The following AMPH variants were observed in gnomAD, a reference collection of about 807,000 sequenced individuals.
The protein encoded by AMPH is amphiphysin.
Under a neutral mutation model 99.1 loss-of-function variants are expected in AMPH, and 49 were observed. The observed-to-expected ratio is 0.49, with a 90% CI of 0.39 to 0.63. The LOEUF (loss-of-function observed/expected upper bound fraction) is 0.63. Among genes scored for constraint, AMPH ranks in the 20% least tolerant of loss-of-function variants. The pLI, the probability that AMPH is intolerant of heterozygous loss-of-function variation, is 0.00. For missense variants in AMPH, 759 were observed against 863.4 expected (o/e 0.88, Z 1.52); for synonymous variants, 314 against 317.3 (o/e 0.99, Z 0.11).
chr7:38,525,485 G>C (rs1381332520), intron 2 of AMPH, among the ~76,000 whole-genome samples: 2 of 130,864 alleles, frequency 1.5e-5, no homozygotes, highest in African/African-American at 3.0e-5. Context: ...TGTGTGTTTA[G>C]TTTTATGCGA....
At chr7:38,478,718 A>G (rs569398515) in intron 5 of AMPH, among the ~76,000 whole-genome samples, 16 of 152,314 alleles carry the variant, frequency 1.1e-4, no homozygotes, top group Admixed American at 1.0e-3. Context: ...GAAAAAGTCA[A>G]CAACAAAGAT....
At chr7:38,406,731 C>CTCTCTCT (rs1562732477) in intron 17 of AMPH, among the ~76,000 whole-genome samples, 819 of 80,594 alleles carry the variant, frequency 0.01, 113 homozygotes, top group East Asian at 0.038. Flanking sequence ...TCTCCCTTTC[C>CTCTCTCT]CTCTCTCTCT....
intron 14 of AMPH, chr7:38,429,353 G>C (rs1785911643): frequency 1.6e-6 from 2 of 1,289,674 alleles, no homozygotes; most frequent in Non-Finnish European, 1.0e-6. Flanking sequence ...ACGAAAGCAG[G>C]CTGGTGGATA....
chr7:38,394,337 C>G, intron 17 of AMPH, 123 bp from the exon 18 acceptor site: 1 of 1,013,166 alleles, frequency 9.9e-7, no homozygotes, highest in South Asian at 1.6e-5. Context: ...ATTCTTTGCA[C>G]TCCCAGGATT....
At chr7:38,413,453 A>C (rs146504875) in intron 17 of AMPH, among the ~76,000 whole-genome samples, 16 of 152,280 alleles carry the variant, frequency 1.1e-4, no homozygotes, top group African/African-American at 3.9e-4. Flanking sequence ...GGACCCCAAG[A>C]CTGCACTGTC....
chr7:38,515,614 T>C (rs895186854), intron 2 of AMPH, among the ~76,000 whole-genome samples: 15 of 152,142 alleles, frequency 9.9e-5, no homozygotes, highest in African/African-American at 3.6e-4. Flanking sequence ...AATGAAATAA[T>C]ATGAATAATT....
At chr7:38,461,218 A>T in intron 11 of AMPH, 65 bp downstream of exon 11, 2 of 1,590,288 alleles carry the variant, frequency 1.3e-6, no homozygotes, top group Non-Finnish European at 1.7e-6. Flanking sequence ...CTTTAGGGCT[A>T]GCCCCTGAGA....
chr7:38,486,728 C>T (rs1788511534), intron 5 of AMPH, among the ~76,000 whole-genome samples: 2 of 152,046 alleles, frequency 1.3e-5, no homozygotes, highest in Admixed American at 6.6e-5. Flanking sequence ...GATCACCCAT[C>T]ATGACCAAGT....
intron 1 of AMPH, among the ~76,000 whole-genome samples, chr7:38,572,692 C>G (rs1332748498): frequency 6.6e-6 from 1 of 152,164 alleles, no homozygotes; most frequent in African/African-American, 2.4e-5. Flanking sequence ...AGCAGCCACC[C>G]AATGTGAAGT....
At chr7:38,509,535 A>C (rs1789458535) in intron 2 of AMPH, among the ~76,000 whole-genome samples, 1 of 152,214 alleles carries the variant, frequency 6.6e-6, no homozygotes, top group Admixed American at 6.5e-5. Flanking sequence ...TCTTCTGGAA[A>C]AGCTAACCCA....
chr7:38,505,869 T>C (rs909781944), intron 2 of AMPH, among the ~76,000 whole-genome samples: 4 of 151,824 alleles, frequency 2.6e-5, no homozygotes, highest in Non-Finnish European at 5.9e-5. Context: ...GTGGAAAAAA[T>C]ATGGCTTTGG....
intron 1 of AMPH, among the ~76,000 whole-genome samples, chr7:38,578,793 G>A (rs919255677): frequency 5.3e-5 from 8 of 152,040 alleles, no homozygotes; most frequent in Non-Finnish European, 7.4e-5. Flanking sequence ...ACAAATTAAA[G>A]AAACCCCTAA....
chr7:38,420,329 GGAGA>G (rs1469668409), intron 16 of AMPH, among the ~76,000 whole-genome samples: 1 of 152,204 alleles, frequency 6.6e-6, no homozygotes, highest in Non-Finnish European at 1.5e-5. Context: ...AACCGCTTGT[GGAGA>G]GATTTAATAT....
chr7:38,439,512 G>T (rs1279993765), intron 11 of AMPH, among the ~76,000 whole-genome samples: 1 of 152,184 alleles, frequency 6.6e-6, no homozygotes, highest in Non-Finnish European at 1.5e-5. Flanking sequence ...GGGCAGGAAC[G>T]TACTCACAAC....
At chr7:38,515,305 G>C (rs991187876) in intron 2 of AMPH, among the ~76,000 whole-genome samples, 1 of 152,208 alleles carries the variant, frequency 6.6e-6, no homozygotes, top group African/African-American at 2.4e-5. Context: ...TGTTGGAGGA[G>C]GGACCTGTTG....
intron 1 of AMPH, among the ~76,000 whole-genome samples, chr7:38,549,582 A>G (rs1437553623): frequency 1.3e-5 from 2 of 152,314 alleles, no homozygotes; most frequent in East Asian, 3.9e-4. Flanking sequence ...CTTTGACCCT[A>G]ATACCTAGAA....
chr7:38,604,796 T>C (rs904848565), intron 1 of AMPH, among the ~76,000 whole-genome samples: 2 of 152,198 alleles, frequency 1.3e-5, no homozygotes, highest in Admixed American at 1.3e-4. Context: ...AAGCAAATGA[T>C]GGCCGATTCA....
At chr7:38,489,271 G>T (rs1396123974) in intron 5 of AMPH, among the ~76,000 whole-genome samples, 2 of 152,034 alleles carry the variant, frequency 1.3e-5, no homozygotes, top group African/African-American at 4.8e-5. Context: ...AAATGGTGCT[G>T]GGAAAACTGG....
At position 38,631,352 on chromosome 7, in the gene AMPH, G is replaced by T; in HGVS notation, c.-1C>A. 1 of 1,550,178 alleles carries T rather than the reference G, an allele frequency of 6.5e-7. No homozygotes were observed. The highest frequency in any genetic ancestry group is 8.7e-7 in the Non-Finnish European group (1 of 1,149,384). ...AGATGCCCGTCTTGATGTCGGCCAT[G>T]GCTGCGGGTCCGGGGAGCTGCGAAG... On this transcript the variant is annotated 5_prime_UTR_variant, in exon 1 of 21. Coordinates refer to ENST00000356264, the MANE Select transcript of AMPH (RefSeq NM_001635.4).
Sources: gnomAD v4.1 joint callset for allele counts (sites outside exome capture counted in the v4.1 genomes callset) on GRCh38, gnomAD v4.1.1 for gene constraint, MANE v1.5 for transcripts, NCBI Gene and HGNC (gene_info 2026-07-23, HGNC 2026-07-21) for gene names.